The following NMNAT2 variants were observed in gnomAD, a reference collection of about 807,000 sequenced individuals.
NMNAT2 encodes the protein nicotinamide/nicotinic acid mononucleotide adenylyltransferase 2.
Under a neutral mutation model 41.6 loss-of-function variants are expected in NMNAT2, and 11 were observed. The observed-to-expected ratio is 0.26, with a 90% confidence interval of 0.17 to 0.44. The LOEUF (loss-of-function observed/expected upper bound fraction) is 0.44, where lower values mean the gene tolerates loss of function less well. Ranked by LOEUF, NMNAT2 falls within the 20% of genes least tolerant of loss-of-function variation. The probability of loss-of-function intolerance (pLI) is 1.00; values close to 1 mark genes in which losing one functional copy is unlikely to be tolerated. For synonymous variants in NMNAT2, 148 were observed against 151.2 expected (o/e 0.98, Z 0.16); for missense variants, 288 against 407.7 (o/e 0.71, Z 2.53).
At chr1:183,411,479 A>G (rs936584321) in intron 1 of NMNAT2, among the ~76,000 whole-genome samples, 5 of 151,998 alleles carry the variant, frequency 3.3e-5, no homozygotes, top group Admixed American at 2.6e-4. Flanking sequence ...AATTTTTTGG[A>G]ATTTTTAGTA....
At chr1:183,284,662 G>T in intron 6 of NMNAT2, 48 bp downstream of exon 6, 1 of 1,466,834 alleles carries the variant, frequency 6.8e-7, no homozygotes, top group Non-Finnish European at 9.6e-7. Context: ...GAAGGGAGGA[G>T]AGAAAGAAAA....
intron 1 of NMNAT2, among the ~76,000 whole-genome samples, chr1:183,307,423 C>T (rs1331285868): frequency 6.7e-6 from 1 of 149,616 alleles, no homozygotes; most frequent in African/African-American, 2.5e-5. Flanking sequence ...TCTCTTGCCT[C>T]AGCCTCCCTA....
Position 183,248,962 on chromosome 1 carries a change from TAAGTAC to T in NMNAT2, c.*3673_*3678del, listed in dbSNP as rs1023262877. The stretch of plus-strand genomic sequence containing the variant: ...TTTGAGGAGAGTAGAATTGGGCTGG[TAAGTAC>T]AAGTTTTTTCTCCCTGTAATTCTCT... On this transcript the variant is annotated 3_prime_UTR_variant, in exon 11 of 11. Transcript: ENST00000287713. The T allele has an allele frequency of 6.6e-6, 1 of 151,232 alleles. No homozygotes were observed. Among genetic ancestry groups the T allele is most frequent in the Non-Finnish European group, 1.5e-5 (1 of 68,016 alleles). The allele number at this position is 151,232 out of a possible 1,614,324, so 9.4% of individuals were successfully genotyped here.
intron 1 of NMNAT2, among the ~76,000 whole-genome samples, chr1:183,327,801 T>G (rs1662500933): frequency 6.6e-6 from 1 of 152,208 alleles, no homozygotes; most frequent in African/African-American, 2.4e-5. Context: ...TCTTAGCTGC[T>G]GTTTTTTGTG....
chr1:183,357,760 T>C (rs1360992743), intron 1 of NMNAT2, among the ~76,000 whole-genome samples: 1 of 152,188 alleles, frequency 6.6e-6, no homozygotes, highest in African/African-American at 2.4e-5. Flanking sequence ...ATCAGTGATG[T>C]TGAACTTTTT....
intron 8 of NMNAT2, among the ~76,000 whole-genome samples, chr1:183,276,790 G>A (rs961038516): frequency 6.6e-6 from 1 of 152,242 alleles, no homozygotes; most frequent in African/African-American, 2.4e-5. Flanking sequence ...CATTACTTTT[G>A]ACTTTCATAG....
chr1:183,275,863 A>G (rs376222994), intron 8 of NMNAT2, among the ~76,000 whole-genome samples: 41 of 152,128 alleles, frequency 2.7e-4, no homozygotes, highest in Admixed American at 2.0e-3. Context: ...TAGTAGAGAC[A>G]GGGTTTCACC....
chr1:183,397,784 C>T (rs150013652), intron 1 of NMNAT2, among the ~76,000 whole-genome samples: 1,783 of 152,184 alleles, frequency 0.012, 26 homozygotes, highest in African/African-American at 0.041. Flanking sequence ...GAATTTTCAA[C>T]GCAGAATTTC....
intron 1 of NMNAT2, among the ~76,000 whole-genome samples, chr1:183,377,151 A>G (rs1000535263): frequency 6.6e-6 from 1 of 151,862 alleles, no homozygotes; most frequent in Non-Finnish European, 1.5e-5. Context: ...AGGAAAAGGA[A>G]CTCTCTACCT....
rs1387823698 is a variant in NMNAT2 at position 183,290,164 on chromosome 1, G to T, written c.285C>A (p.Thr95=). 1.9e-6 allele frequency: 3 copies of T among 1,587,644 alleles called. No homozygotes were observed. The highest frequency in any genetic ancestry group is 2.6e-6 in the Non-Finnish European group (3 of 1,165,904). The change falls in exon 4 of 11, where the codon ACC becomes ACA. Residue 95 remains threonine, a synonymous_variant. Coordinates refer to ENST00000287713, the MANE Select transcript of NMNAT2 (RefSeq NM_015039.4). Reference sequence around the variant, plus strand: ...CCCGGTGGTGTTCCAACACGCTGCAGGTCGTCTGCCAGGTGTCCTGGTAGC... The same window carrying T: ...CCCGGTGGTGTTCCAACACGCTGCATGTCGTCTGCCAGGTGTCCTGGTAGC... ...WECYQDTWQT[T]CSVLEHHRDL... is the part of the protein sequence containing the mutation.
intron 8 of NMNAT2, among the ~76,000 whole-genome samples, chr1:183,262,498 TA>T (rs1470513210): frequency 6.6e-6 from 1 of 152,236 alleles, no homozygotes; most frequent in Non-Finnish European, 1.5e-5. Context: ...CTTACATTGT[TA>T]AAAATTATTT....
chr1:183,315,282 G>T (rs1357401694), intron 1 of NMNAT2, among the ~76,000 whole-genome samples: 3 of 152,164 alleles, frequency 2.0e-5, no homozygotes, highest in Non-Finnish European at 4.4e-5. Flanking sequence ...TTTTTAAAGG[G>T]TCAATTGATA....
intron 1 of NMNAT2, among the ~76,000 whole-genome samples, chr1:183,394,198 C>A (rs1648566711): frequency 6.6e-6 from 1 of 152,124 alleles, no homozygotes; most frequent in Non-Finnish European, 1.5e-5. Context: ...GGTGATGCTA[C>A]AAATTGTATT....
chr1:183,272,976 TC>T (rs1158780262), intron 8 of NMNAT2, among the ~76,000 whole-genome samples: 3 of 152,232 alleles, frequency 2.0e-5, no homozygotes, highest in Non-Finnish European at 4.4e-5. Flanking sequence ...TAAAGCTGCC[TC>T]CCTGCATATT....
intron 8 of NMNAT2, among the ~76,000 whole-genome samples, chr1:183,261,810 T>A (rs1571557270): frequency 6.6e-6 from 1 of 152,142 alleles, no homozygotes; most frequent in African/African-American, 2.4e-5. Context: ...GAACTAGAAG[T>A]TCTTGGAATG....
At chr1:183,301,821 A>T (rs1031412521) in intron 1 of NMNAT2, among the ~76,000 whole-genome samples, 7 of 152,246 alleles carry the variant, frequency 4.6e-5, no homozygotes, top group African/African-American at 1.7e-4. Context: ...TGACATGTGT[A>T]ATCTACTCCT....
chr1:183,397,164 C>T (rs1438043813), intron 1 of NMNAT2, among the ~76,000 whole-genome samples: 2 of 152,132 alleles, frequency 1.3e-5, no homozygotes, highest in Non-Finnish European at 2.9e-5. Flanking sequence ...AATCTCCATA[C>T]TTTCACTGTT....
In NMNAT2 at chr1:183,283,926, A is replaced by G. The variant is rs371211583; in HGVS notation, c.574+69T>C. Reference sequence around the variant, plus strand: ...GGGTTTTCAAGCCTCTCTGCTCCCCATGTTGCCTGTCGTGAAGGCAGGGAG... The same window carrying G: ...GGGTTTTCAAGCCTCTCTGCTCCCCGTGTTGCCTGTCGTGAAGGCAGGGAG... On this transcript the variant is annotated intron_variant, in intron 7 of 10. Coordinates refer to ENST00000287713, the MANE Select transcript of NMNAT2 (RefSeq NM_015039.4). The G allele has an allele frequency of 9.5e-6, 14 of 1,468,612 alleles. No homozygotes were observed. The African/African-American group carries it at 1.5e-4, about 16-fold the overall frequency. The allele number at this position is 1,468,612 out of a possible 1,614,324, so 91.0% of individuals were successfully genotyped here. A position where few individuals can be genotyped will look rare whatever the true frequency, so the allele number is the denominator to read the frequency against.
chr1:183,259,478 C>T (rs1660602282), intron 10 of NMNAT2, among the ~76,000 whole-genome samples: 1 of 152,218 alleles, frequency 6.6e-6, no homozygotes, highest in Non-Finnish European at 1.5e-5. Context: ...TCTGGGCCAC[C>T]ACTGCCGGTG....
Sources: gnomAD v4.1 joint callset for allele counts (sites outside exome capture counted in the v4.1 genomes callset) on GRCh38, gnomAD v4.1.1 for gene constraint, MANE v1.5 for transcripts, NCBI Gene and HGNC (gene_info 2026-07-23, HGNC 2026-07-21) for gene names.